The following IL12RB1 variants were observed in gnomAD, a reference collection of about 807,000 sequenced individuals.
IL12RB1 encodes interleukin-12 receptor subunit beta-1.
Under a neutral mutation model 94.4 loss-of-function variants are expected in IL12RB1, and 64 were observed. The observed-to-expected ratio is 0.68, with a 90% CI of 0.55 to 0.83. The LOEUF is 0.83. Among genes scored for constraint, IL12RB1 ranks in the 40% least tolerant of loss-of-function variants. The pLI is 0.00. For synonymous variants in IL12RB1, 362 were observed against 355.5 expected (o/e 1.02, Z -0.21); for missense variants, 814 against 855.6 (o/e 0.95, Z 0.61).
At position 18,059,974 on chromosome 19, in the gene IL12RB1, T is replaced by A; in HGVS notation, c.1903A>T (p.Thr635Ser). The A allele has an allele frequency of 6.2e-7, 1 of 1,600,640 alleles. No individual in the cohort carries two copies. Among genetic ancestry groups the A allele is most frequent in the Non-Finnish European group, 8.5e-7 (1 of 1,172,710 alleles). The part of the protein sequence containing the change: ...KGERTEPLEK[T>S]ELPEGAPELA... ...TCAGGGGCACCCTCAGGTAGCTCTG[T>A]CTTCTCGAGAGGCTCAGTCCTCTCG... The change falls in exon 16 of 17, where the codon ACA becomes TCA. Residue 635 changes from threonine to serine, a missense_variant. Thr to Ser is a moderately conservative substitution (Grantham distance 58, BLOSUM62 1). Transcript: ENST00000593993.
intron 4 of IL12RB1, among the ~76,000 whole-genome samples, chr19:18,078,524 T>C (rs2035646435): frequency 6.6e-6 from 1 of 151,966 alleles, no homozygotes. Context: ...CTGGCAAGGC[T>C]GTGAAGAGAC....
chr19:18,068,750 CTTT>C (rs34731245), intron 10 of IL12RB1, among the ~76,000 whole-genome samples: 8 of 126,604 alleles, frequency 6.3e-5, no homozygotes, highest in Non-Finnish European at 6.7e-5. Flanking sequence ...ACCAGGGCTT[CTTT>C]TTTTTTTTTT....
At chr19:18,065,773 G>A (rs915464374) in intron 12 of IL12RB1, among the ~76,000 whole-genome samples, 1 of 151,936 alleles carries the variant, frequency 6.6e-6, no homozygotes, top group African/African-American at 2.4e-5. Flanking sequence ...GAGCTGAGAT[G>A]GCGCCACTGC....
intron 1 of IL12RB1, among the ~76,000 whole-genome samples, chr19:18,084,683 ATC>A (rs1568522793): frequency 1.2e-3 from 182 of 152,118 alleles, no homozygotes; most frequent in African/African-American, 4.1e-3. Flanking sequence ...CCATCCATCC[ATC>A]CATCCATCCA....
intron 1 of IL12RB1, among the ~76,000 whole-genome samples, chr19:18,092,951 C>T (rs539857896): frequency 4.3e-4 from 66 of 152,140 alleles, no homozygotes; most frequent in Non-Finnish European, 7.8e-4. Context: ...TGTATTTGTT[C>T]ATTCAATACA....
chr19:18,084,263 C>T (rs1391354897), intron 1 of IL12RB1, among the ~76,000 whole-genome samples: 1 of 150,106 alleles, frequency 6.7e-6, no homozygotes, highest in African/African-American at 2.5e-5. Context: ...ATCCATCCAT[C>T]CATCCACCCC....
chr19:18,072,718 C>T (rs995466140), intron 8 of IL12RB1, among the ~76,000 whole-genome samples: 2 of 151,950 alleles, frequency 1.3e-5, no homozygotes, highest in Admixed American at 6.6e-5. Context: ...GAGGCCGAGA[C>T]GGGTAGATCA....
chr19:18,063,966 G>A lies in IL12RB1; in HGVS notation c.1528C>T (p.Leu510=). ...PTETQVTLSG[L]RAGVAYTVQV... ...ACCGTGTAGGCTACACCAGCCCGCAGGCCACTGAGGGTAACTTGGGTCTCT... is the reference window on the plus strand; with the variant it reads ...ACCGTGTAGGCTACACCAGCCCGCAAGCCACTGAGGGTAACTTGGGTCTCT... The change falls in exon 13 of 17, where the codon CTG becomes TTG. Residue 510 remains leucine (L), a synonymous_variant. Transcript: ENST00000593993. The A allele has an allele frequency of 6.2e-7, 1 of 1,612,596 alleles. No individual in the cohort carries two copies. Among genetic ancestry groups the A allele is most frequent in the South Asian group, 1.1e-5 (1 of 91,036 alleles).
chr19:18,085,152 G>C (rs905162193), intron 1 of IL12RB1, among the ~76,000 whole-genome samples: 1 of 152,158 alleles, frequency 6.6e-6, no homozygotes, highest in African/African-American at 2.4e-5. Context: ...GGGTCAGGAA[G>C]ACCCCGGCGC....
At chr19:18,084,368 G>A (rs845376) in intron 1 of IL12RB1, among the ~76,000 whole-genome samples, 27,972 of 129,728 alleles carry the variant, frequency 0.22, 2,631 homozygotes, top group South Asian at 0.23. Flanking sequence ...CCATTTATCC[G>A]TCCATTCGTC....
intron 1 of IL12RB1, chr19:18,097,710 G>A (rs972999721): frequency 5.2e-5 from 50 of 955,582 alleles, no homozygotes; most frequent in Admixed American, 3.8e-4. Flanking sequence ...CAGCTGACCG[G>A]CCTGGCCAAT....
rs374991461 is a variant in IL12RB1, at chr19:18,059,711, G to A, written c.1984-98C>T. 130 of 763,596 alleles carry A rather than the reference G, an allele frequency of 1.7e-4. No homozygotes were observed. The African/African-American group carries it at 1.7e-3, about 10-fold the overall frequency. 47.3% of individuals were successfully genotyped at this position (763,596 alleles called of 1,614,324 possible). On this transcript the variant is annotated intron_variant, in intron 16 of 16. Coordinates refer to ENST00000593993, the MANE Select transcript of IL12RB1 (RefSeq NM_005535.3). ...ATGGAATGGGCTGGGTATGCCATAA[G>A]TGCTTAATAACCAGCCGTTGTGATT...
At chr19:18,083,543 G>GA (rs1203386592) in intron 1 of IL12RB1, 52 bp from the exon 2 acceptor site, 4 of 1,580,812 alleles carry the variant, frequency 2.5e-6, no homozygotes, top group African/African-American at 1.3e-5. Flanking sequence ...ACTGTGTGGG[G>GA]AGAAGGGCTC....
At chr19:18,086,712 G>A (rs1417038473) in intron 1 of IL12RB1, 48 bp downstream of exon 1, 2 of 1,562,798 alleles carry the variant, frequency 1.3e-6, no homozygotes, top group Non-Finnish European at 1.7e-6. Context: ...ACATACACGT[G>A]CCTCCACCCA....
At chr19:18,097,725 C>T in intron 1 of IL12RB1, 2 of 1,097,194 alleles carry the variant, frequency 1.8e-6, no homozygotes, top group East Asian at 3.8e-5. Flanking sequence ...GCCAATGGCA[C>T]CTGGCGGCGG....
In IL12RB1 at chr19:18,077,558, C is replaced by T; in HGVS notation, c.507G>A (p.Glu169=). The T allele has an allele frequency of 6.2e-7, 1 of 1,612,678 alleles. No homozygotes were observed. The highest frequency in any genetic ancestry group is 8.5e-7 in the Non-Finnish European group (1 of 1,179,044). The change falls in exon 5 of 17, where the codon GAG becomes GAA. Residue 169 remains glutamate, a synonymous_variant. Coordinates refer to ENST00000593993, the MANE Select transcript of IL12RB1 (RefSeq NM_005535.3). ...TGGGTGTCCGGTGCCGGAACTGCACCTCAGCACCAACCTGGTTATCCGGGG... is the reference window on the plus strand; with the variant it reads ...TGGGTGTCCGGTGCCGGAACTGCACTTCAGCACCAACCTGGTTATCCGGGG... ...WETPDNQVGA[E]VQFRHRTPSS...
chr19:18,089,470 C>G (rs1008671637), upstream of IL12RB1, among the ~76,000 whole-genome samples: 19 of 151,760 alleles, frequency 1.3e-4, no homozygotes, highest in Admixed American at 1.1e-3. Context: ...ACTAAAAATA[C>G]AAAAATTAGC....
chr19:18,072,718 C>A (rs995466140), intron 8 of IL12RB1, among the ~76,000 whole-genome samples: 2 of 151,952 alleles, frequency 1.3e-5, no homozygotes, highest in African/African-American at 2.4e-5. Context: ...GAGGCCGAGA[C>A]GGGTAGATCA....
intron 16 of IL12RB1, 96 bp from the exon 17 acceptor site, chr19:18,059,709 A>G (rs2033980040): frequency 1.3e-6 from 1 of 764,694 alleles, no homozygotes; most frequent in Non-Finnish European, 2.4e-6. Flanking sequence ...GGTATGCCAT[A>G]AGTGCTTAAT....
Sources: gnomAD v4.1 joint callset for allele counts (sites outside exome capture counted in the v4.1 genomes callset) on GRCh38, gnomAD v4.1.1 for gene constraint, MANE v1.5 for transcripts, NCBI Gene and HGNC (gene_info 2026-07-23, HGNC 2026-07-21) for gene names.